ANK3: variants seen among roughly 807,000 people sequenced by gnomAD.
ANK3 encodes the protein ankyrin-3.
In ANK3, 57 loss-of-function variants were observed where a neutral mutation model predicts 370.9. The observed-to-expected ratio is 0.15, with a 90% confidence interval of 0.12 to 0.19. The LOEUF is 0.19. Among genes scored for constraint, ANK3 ranks in the 10% least tolerant of loss-of-function variants. ANK3 has a pLI of 1.00. For missense variants in ANK3, 4,439 were observed against 5,302.1 expected, an observed-to-expected ratio of 0.84 and a Z score of 5.06; for synonymous variants, 1,929 against 1,946.3, an observed-to-expected ratio of 0.99 and a Z score of 0.23.
chr10:60,613,371 T>C (rs1295338248), intron 2 of ANK3, among the ~76,000 whole-genome samples: 1 of 152,198 alleles, frequency 6.6e-6, no homozygotes, highest in Non-Finnish European at 1.5e-5. Context: ...ACTATCTGAA[T>C]AGCCACTAAC....
At chr10:60,197,836 A>G (rs2096611324) in intron 14 of ANK3, among the ~76,000 whole-genome samples, 1 of 152,204 alleles carries the variant, frequency 6.6e-6, no homozygotes, top group South Asian at 2.1e-4. Flanking sequence ...ATGTTAGGGT[A>G]TTACTCTAAG....
chr10:60,430,637 A>G (rs2063996762), intron 2 of ANK3, among the ~76,000 whole-genome samples: 1 of 152,180 alleles, frequency 6.6e-6, no homozygotes, highest in African/African-American at 2.4e-5. Flanking sequence ...AGTTACACGT[A>G]TTACTGCTGT....
chr10:60,684,534 T>C (rs2079242777), intron 1 of ANK3: 1 of 1,566,670 alleles, frequency 6.4e-7, no homozygotes, highest in Admixed American at 1.8e-5. Context: ...ACCAGACTTC[T>C]ATCCTGTCCA....
chr10:60,643,500 A>ATCTATCTATCTATCTATCTATC (rs2078663991), intron 1 of ANK3, among the ~76,000 whole-genome samples: 1 of 146,716 alleles, frequency 6.8e-6, no homozygotes, highest in African/African-American at 2.5e-5. Flanking sequence ...ACTCCCCTTT[A>ATCTATCTATCTATCTATCTATC]TATCTATCTA....
At chr10:60,717,273 A>AGC (rs2079803603) in intron 1 of ANK3, among the ~76,000 whole-genome samples, 1 of 151,750 alleles carries the variant, frequency 6.6e-6, no homozygotes, top group Non-Finnish European at 1.5e-5. Flanking sequence ...CAAAAAATAA[A>AGC]GGGTGCATAA....
chr10:60,271,025 C>T (rs187524557), intron 4 of ANK3, among the ~76,000 whole-genome samples: 1 of 151,996 alleles, frequency 6.6e-6, no homozygotes, highest in Non-Finnish European at 1.5e-5. Flanking sequence ...TGGATTCAAG[C>T]AAATTAATAT....
At chr10:60,056,100 CTAAAGTTT>C in intron 41 of ANK3, 64 bp from the exon 42 acceptor site, 1 of 1,514,054 alleles carries the variant, frequency 6.6e-7, no homozygotes, top group Non-Finnish European at 8.8e-7. Context: ...TGCAGAAACT[CTAAAGTTT>C]TAAGAACTGT....
intron 2 of ANK3, among the ~76,000 whole-genome samples, chr10:60,437,336 G>A (rs1018885725): frequency 3.3e-5 from 5 of 152,178 alleles, no homozygotes; most frequent in African/African-American, 1.2e-4. Context: ...ACAGGATATT[G>A]ACAGGTGGGA....
intron 8 of ANK3, among the ~76,000 whole-genome samples, chr10:60,233,252 TA>T: frequency 6.6e-6 from 1 of 152,238 alleles, no homozygotes; most frequent in South Asian, 2.1e-4. Context: ...TATTTTCAGA[TA>T]GAGAAAGGAC....
chr10:60,486,347 G>C (rs879430059), intron 2 of ANK3, among the ~76,000 whole-genome samples: 3 of 152,200 alleles, frequency 2.0e-5, no homozygotes, highest in Non-Finnish European at 4.4e-5. Context: ...GGGAGGCCGA[G>C]GTGGGTGGAT....
chr10:60,292,633 A>G (rs556208311), intron 1 of ANK3, among the ~76,000 whole-genome samples: 2 of 152,198 alleles, frequency 1.3e-5, no homozygotes, highest in South Asian at 2.1e-4. Context: ...AAAAATACCT[A>G]AAGTATTTTT....
At chr10:60,626,499 G>T (rs889270899) in intron 1 of ANK3, among the ~76,000 whole-genome samples, 3 of 152,086 alleles carry the variant, frequency 2.0e-5, no homozygotes, top group African/African-American at 7.2e-5. Flanking sequence ...TTATGCCTAT[G>T]TTCATAATTA....
At chr10:60,226,847 C>A (rs2097172331) in intron 8 of ANK3, among the ~76,000 whole-genome samples, 1 of 149,658 alleles carries the variant, frequency 6.7e-6, no homozygotes, top group Non-Finnish European at 1.5e-5. Context: ...TTAGTTTTAT[C>A]TTTTGTGCTA....
chr10:60,657,733 A>G (rs2078883573), intron 1 of ANK3, among the ~76,000 whole-genome samples: 1 of 152,040 alleles, frequency 6.6e-6, no homozygotes, highest in Admixed American at 6.6e-5. Flanking sequence ...TTATATTACA[A>G]TGGTTATGAA....
intron 24 of ANK3, among the ~76,000 whole-genome samples, chr10:60,135,307 C>T (rs900593360): frequency 2.0e-5 from 3 of 152,236 alleles, no homozygotes; most frequent in African/African-American, 7.2e-5. Flanking sequence ...TCATCTGCTA[C>T]TCACCTCCCC....
At chr10:60,419,258 C>A (rs1440805977) in intron 2 of ANK3, among the ~76,000 whole-genome samples, 1 of 152,102 alleles carries the variant, frequency 6.6e-6, no homozygotes. Context: ...TAGTCATTGG[C>A]TTGAAATGGG....
chr10:60,117,518 T>C (rs1290541200), intron 25 of ANK3, among the ~76,000 whole-genome samples: 3 of 152,118 alleles, frequency 2.0e-5, no homozygotes, highest in African/African-American at 7.2e-5. Context: ...AATATTGTGC[T>C]GGAAAGAAAA....
intron 1 of ANK3, among the ~76,000 whole-genome samples, chr10:60,655,114 T>C (rs1279043636): frequency 6.6e-6 from 1 of 152,136 alleles, no homozygotes. Flanking sequence ...ACATATTACC[T>C]GATAATGATA....
chr10:60,503,751 A>C (rs1159012505), intron 2 of ANK3, among the ~76,000 whole-genome samples: 2 of 152,158 alleles, frequency 1.3e-5, no homozygotes, highest in Non-Finnish European at 2.9e-5. Flanking sequence ...CTACAACAGA[A>C]TTTGGTCTTT....
Sources: gnomAD v4.1 joint callset for allele counts (sites outside exome capture counted in the v4.1 genomes callset) on GRCh38, gnomAD v4.1.1 for gene constraint, MANE v1.5 for transcripts, NCBI Gene and HGNC (gene_info 2026-07-23, HGNC 2026-07-21) for gene names.